The following RTTN variants were observed in gnomAD, a reference collection of about 807,000 sequenced individuals.
The protein encoded by RTTN is rotatin.
A neutral mutation model predicts 269.2 loss-of-function variants in RTTN; 182 were observed. That is an observed-to-expected ratio of 0.68 (90% CI 0.60 to 0.76). RTTN has a LOEUF of 0.76. Ranked by LOEUF, RTTN falls within the 30% of genes least tolerant of loss-of-function variation. The pLI, the probability that RTTN is intolerant of heterozygous loss-of-function variation, is 0.00. For synonymous variants in RTTN, 1,006 were observed against 963.5 expected (o/e 1.04, Z -0.82); for missense variants, 2,545 against 2,608.6 (o/e 0.98, Z 0.53).
At chr18:70,025,719 A>C (rs753393705) in intron 43 of RTTN, among the ~76,000 whole-genome samples, 3 of 152,234 alleles carry the variant, frequency 2.0e-5, no homozygotes, top group Non-Finnish European at 4.4e-5. Context: ...GACAGAAACG[A>C]TTAAGTACAA....
chr18:70,054,080 T>C, intron 38 of RTTN, 51 bp downstream of exon 38: 1 of 1,460,670 alleles, frequency 6.8e-7, no homozygotes, highest in South Asian at 1.2e-5. Flanking sequence ...AGTAAGTTTT[T>C]TTTCCTCAGT....
In RTTN at chr18:70,088,158, TAA is replaced by T; in HGVS notation, c.4144-13_4144-12del. ...TGAAGTGAATCTCACCTGTTCAAAT[TAA>T]AGAGAAAGTTGTTGAATCAAATAAG... On this transcript the variant is annotated splice_polypyrimidine_tract_variant and intron_variant, in intron 30 of 48. Coordinates refer to ENST00000640769, the MANE Select transcript of RTTN (RefSeq NM_173630.4). 6.3e-7 allele frequency: 1 copy of T among 1,591,868 alleles called. No homozygotes were observed. Among genetic ancestry groups the T allele is most frequent in the Non-Finnish European group, 8.6e-7 (1 of 1,169,530 alleles).
chr18:70,143,287 C>T (rs1379604361), intron 18 of RTTN, among the ~76,000 whole-genome samples: 1 of 152,072 alleles, frequency 6.6e-6, no homozygotes, highest in Non-Finnish European at 1.5e-5. Context: ...CATAAAGACA[C>T]ATGCATGTGT....
intron 30 of RTTN, among the ~76,000 whole-genome samples, chr18:70,090,293 A>G (rs2058809438): frequency 1.3e-5 from 2 of 151,342 alleles, no homozygotes; most frequent in Admixed American, 6.6e-5. Context: ...TATAACTACT[A>G]TGTTTTCTCC....
At chr18:70,058,254 C>G (rs372501342) in intron 36 of RTTN, among the ~76,000 whole-genome samples, 1 of 152,190 alleles carries the variant, frequency 6.6e-6, no homozygotes. Flanking sequence ...CGGTGGCTCA[C>G]GCCTGTAATC....
chr18:70,016,392 T>C (rs2056538710), intron 46 of RTTN, among the ~76,000 whole-genome samples: 1 of 152,162 alleles, frequency 6.6e-6, no homozygotes, highest in Admixed American at 6.5e-5. Context: ...AACTGATTCT[T>C]ACCAAACCAA....
chr18:70,100,531 C>T (rs368031002), intron 28 of RTTN, among the ~76,000 whole-genome samples: 1,891 of 152,254 alleles, frequency 0.012, 23 homozygotes, highest in South Asian at 0.039. Context: ...CAAACAGGGA[C>T]AATTTGACTT....
chr18:70,187,044 T>C (rs771002455), intron 10 of RTTN, among the ~76,000 whole-genome samples: 3 of 152,164 alleles, frequency 2.0e-5, no homozygotes, highest in Non-Finnish European at 4.4e-5. Context: ...GCATGCCCAC[T>C]TAAATAAATC....
rs7238844 is a variant in RTTN, at chr18:70,051,601, C to T, written c.5186-53G>A. 7.0e-3 allele frequency: 9,846 copies of T among 1,397,542 alleles called. 574 individuals are homozygous for T. In the African/African-American group the frequency reaches 0.12, roughly 18 times the overall value. 86.6% of individuals were successfully genotyped at this position (1,397,542 alleles called of 1,614,324 possible). On this transcript the variant is annotated intron_variant, in intron 38 of 48. Transcript: ENST00000640769. ...TTATTAACACAAAGAAGGAAAAGAA[C>T]CTTTCAAGATATAAAACTTACCACA...
intron 46 of RTTN, among the ~76,000 whole-genome samples, chr18:70,011,855 G>A (rs1409504983): frequency 6.6e-6 from 1 of 152,174 alleles, no homozygotes; most frequent in Non-Finnish European, 1.5e-5. Flanking sequence ...CTGCTCACTG[G>A]TATTGGTTAG....
chr18:70,080,928 TCACACACACACACACA>T (rs138851066), intron 32 of RTTN, among the ~76,000 whole-genome samples: 2,068 of 146,878 alleles, frequency 0.014, 43 homozygotes, highest in African/African-American at 0.049. Flanking sequence ...GTGTGTGGTA[TCACACACACACACACA>T]CACACACACA....
intron 28 of RTTN, among the ~76,000 whole-genome samples, chr18:70,098,268 AT>A (rs2059057446): frequency 6.6e-6 from 1 of 152,188 alleles, no homozygotes; most frequent in Admixed American, 6.5e-5. Flanking sequence ...AAGATCTCAA[AT>A]TAACAACTTA....
chr18:70,200,275 C>T (rs753513476), intron 4 of RTTN, among the ~76,000 whole-genome samples: 5 of 152,206 alleles, frequency 3.3e-5, no homozygotes, highest in African/African-American at 7.2e-5. Context: ...GCAGGATTTA[C>T]TTTCTAAGGA....
intron 30 of RTTN, among the ~76,000 whole-genome samples, chr18:70,089,527 G>A (rs1292974612): frequency 6.6e-6 from 1 of 152,236 alleles, no homozygotes; most frequent in Non-Finnish European, 1.5e-5. Context: ...AAGGAGTGGG[G>A]ATGCTGCTGA....
intron 2 of RTTN, 91 bp downstream of exon 2, chr18:70,205,037 C>A: frequency 7.6e-7 from 1 of 1,323,300 alleles, no homozygotes; most frequent in Non-Finnish European, 1.0e-6. Flanking sequence ...CTTTTAACCC[C>A]AATTATTTAA....
chr18:70,144,794 A>G (rs745927821), intron 18 of RTTN, among the ~76,000 whole-genome samples: 8 of 152,194 alleles, frequency 5.3e-5, no homozygotes, highest in Non-Finnish European at 1.0e-4. Context: ...AAACAAACAA[A>G]AAAACCGACT....
intron 10 of RTTN, among the ~76,000 whole-genome samples, chr18:70,184,712 T>TGTGTGTGTGTG (rs1282660729): frequency 2.5e-4 from 14 of 55,220 alleles, no homozygotes; most frequent in African/African-American, 7.9e-4. Context: ...GGTTTTTTTT[T>TGTGTGTGTGTG]TTTTTGTGTG....
intron 28 of RTTN, among the ~76,000 whole-genome samples, chr18:70,095,200 T>C (rs1055212629): frequency 2.0e-5 from 3 of 152,048 alleles, no homozygotes; most frequent in African/African-American, 7.2e-5. Flanking sequence ...GTGTCTTGCA[T>C]GTGAGATGGG....
At chr18:70,196,687 A>G in intron 6 of RTTN, 39 bp from the exon 7 acceptor site, 1 of 1,592,706 alleles carries the variant, frequency 6.3e-7, no homozygotes. Context: ...CTAAGGGAAC[A>G]AAGAGCTCAA....
Sources: gnomAD v4.1 joint callset for allele counts (sites outside exome capture counted in the v4.1 genomes callset) on GRCh38, gnomAD v4.1.1 for gene constraint, MANE v1.5 for transcripts, NCBI Gene and HGNC (gene_info 2026-07-23, HGNC 2026-07-21) for gene names.